The following MYO7A variants were observed in gnomAD, a reference collection of about 807,000 sequenced individuals.
MYO7A encodes the protein unconventional myosin-VIIa.
Under a neutral mutation model 263.8 loss-of-function variants are expected in MYO7A, and 210 were observed. The observed-to-expected ratio is 0.80, with a 90% CI of 0.71 to 0.89. The LOEUF (loss-of-function observed/expected upper bound fraction) is 0.89, where lower values mean the gene tolerates loss of function less well. Among genes scored for constraint, MYO7A ranks in the 40% least tolerant of loss-of-function variants. The pLI is 0.00. For synonymous variants in MYO7A, 1,239 were observed against 1,197.3 expected (o/e 1.03, Z -0.72); for missense variants, 2,820 against 2,968.3 (o/e 0.95, Z 1.16).
At chr11:77,160,923 C>A (rs781911949) in intron 11 of MYO7A, 50 bp from the exon 12 acceptor site, 2 of 1,570,436 alleles carry the variant, frequency 1.3e-6, no homozygotes, top group South Asian at 2.3e-5. Context: ...CCTGGCCTGT[C>A]CCCCGGGGGA....
chr11:77,131,413 C>T (rs1395558619), intron 2 of MYO7A, among the ~76,000 whole-genome samples: 2 of 152,158 alleles, frequency 1.3e-5, no homozygotes, highest in South Asian at 2.1e-4. Flanking sequence ...TGAGTGCGTG[C>T]GCGTGTGTGT....
Position 77,203,160 on chromosome 11 carries a change from C to T in MYO7A, c.5269C>T (p.Leu1757Phe). The change falls in exon 38 of 49, where the codon CTC (leucine) becomes TTC (phenylalanine). Residue 1757 changes from leucine to phenylalanine, a missense_variant. Coordinates refer to ENST00000409709, the MANE Select transcript of MYO7A (RefSeq NM_000260.4). ...GCGGGAACCGCTCAAGCAGGCGCTG[C>T]TCAAGAAGCTCCTGGGCAGTGAGGA... ...HTREPLKQAL[L>F]KKLLGSEELS... 1.3e-6 allele frequency: 2 copies of T among 1,551,494 alleles called. No individual in the cohort carries two copies. Among genetic ancestry groups the T allele is most frequent in the Non-Finnish European group, 1.7e-6 (2 of 1,148,300 alleles).
intron 4 of MYO7A, among the ~76,000 whole-genome samples, chr11:77,153,137 G>A (rs1356959393): frequency 1.3e-5 from 2 of 152,122 alleles, no homozygotes; most frequent in African/African-American, 4.8e-5. Context: ...TAGATTGTTG[G>A]GGGGTTGAGT....
intron 35 of MYO7A, 78 bp from the exon 36 acceptor site, chr11:77,201,370 A>C (rs912971689): frequency 1.8e-5 from 25 of 1,414,694 alleles, no homozygotes; most frequent in Non-Finnish European, 2.3e-5. Context: ...GAGTGATAAC[A>C]CCTCAGTTCT....
chr11:77,131,281 C>T (rs1555045977), intron 2 of MYO7A, among the ~76,000 whole-genome samples: 1 of 152,222 alleles, frequency 6.6e-6, no homozygotes, highest in African/African-American at 2.4e-5. Flanking sequence ...GGCCGTAGGG[C>T]TTGTGGGGCT....
rs1194183560 is a variant in MYO7A at position 77,214,589 on chromosome 11, T to A, written c.6559-18T>A. 2 of 1,538,924 alleles carry A rather than the reference T, an allele frequency of 1.3e-6. No individual in the cohort carries two copies. Among genetic ancestry groups the A allele is most frequent in the Non-Finnish European group, 8.8e-7 (1 of 1,131,920 alleles). ...TGTCCCACCGTGTGCTCGCTTATCTTCTCACCCCTGCTTCCAGGGCTACAA... is the reference window on the plus strand; with the variant it reads ...TGTCCCACCGTGTGCTCGCTTATCTACTCACCCCTGCTTCCAGGGCTACAA... On this transcript the variant is annotated intron_variant, in intron 48 of 48. Coordinates refer to ENST00000409709, the MANE Select transcript of MYO7A (RefSeq NM_000260.4).
intron 29 of MYO7A, 78 bp downstream of exon 29, chr11:77,190,217 A>T: frequency 7.5e-7 from 1 of 1,327,792 alleles, no homozygotes; most frequent in Non-Finnish European, 1.0e-6. Context: ...TGTCCAGTGC[A>T]CTCGAGTGCC....
At chr11:77,141,087 G>A (rs1555050372) in intron 2 of MYO7A, among the ~76,000 whole-genome samples, 2 of 152,230 alleles carry the variant, frequency 1.3e-5, no homozygotes, top group African/African-American at 4.8e-5. Context: ...GTACAGGTTT[G>A]TAGTGTAGGA....
At chr11:77,160,560 C>T (rs188060402) in intron 11 of MYO7A, among the ~76,000 whole-genome samples, 161 of 152,282 alleles carry the variant, frequency 1.1e-3, no homozygotes, top group African/African-American at 3.6e-3. Context: ...TTGCAGAAGA[C>T]ACAGAAGAGG....
At chr11:77,176,157 C>T (rs569746678) in intron 18 of MYO7A, among the ~76,000 whole-genome samples, 55 of 152,140 alleles carry the variant, frequency 3.6e-4, no homozygotes, top group Non-Finnish European at 6.5e-4. Flanking sequence ...GGGGGTGGGG[C>T]CTGGGCACTC....
At chr11:77,130,939 G>A (rs940834468) in intron 2 of MYO7A, among the ~76,000 whole-genome samples, 2 of 152,242 alleles carry the variant, frequency 1.3e-5, no homozygotes, top group African/African-American at 2.4e-5. Context: ...GCCCAGGTGT[G>A]GGAAGGTCCC....
Position 77,211,167 on chromosome 11 carries a change from C to A in MYO7A, c.6067C>A (p.Leu2023Ile). ...FHYYQELPKYLRGYHKCTREE... is the reference protein window; with the variant it reads ...FHYYQELPKYIRGYHKCTREE... ...TCTCTGACAGGAGTTGCCCAAGTAT[C>A]TCCGAGGCTACCACAAGTGCACGCG... is the stretch of plus-strand genomic sequence containing the variant. The change falls in exon 45 of 49, where the codon CTC becomes ATC. Residue 2023 changes from leucine to isoleucine, a missense_variant. Coordinates refer to ENST00000409709, the MANE Select transcript of MYO7A (RefSeq NM_000260.4). 6.3e-7 allele frequency: 1 copy of A among 1,583,624 alleles called. No homozygotes were observed. Among genetic ancestry groups the A allele is most frequent in the East Asian group, 2.3e-5 (1 of 43,364 alleles).
intron 24 of MYO7A, 61 bp downstream of exon 24, chr11:77,182,215 T>A (rs1955289691): frequency 6.3e-7 from 1 of 1,588,098 alleles, no homozygotes; most frequent in South Asian, 1.1e-5. Flanking sequence ...CTATGGACTC[T>A]GCTGCTGGTG....
chr11:77,161,916 C>T (rs1158483566), intron 12 of MYO7A, among the ~76,000 whole-genome samples: 4 of 152,206 alleles, frequency 2.6e-5, no homozygotes, highest in Non-Finnish European at 5.9e-5. Flanking sequence ...TGACCCTAGG[C>T]AAGTCCTTTG....
At chr11:77,162,749 G>C in intron 13 of MYO7A, 104 bp from the exon 14 acceptor site, 1 of 1,463,744 alleles carries the variant, frequency 6.8e-7, no homozygotes, top group Non-Finnish European at 9.2e-7. Flanking sequence ...AATAAAAGGA[G>C]GGGAAGCTCC....
rs1957531833 is a variant in MYO7A, at chr11:77,207,517, T to A, written c.5856+115T>A. The A allele has an allele frequency of 3.8e-6, 3 of 794,470 alleles. No homozygotes were observed. In the Admixed American group the frequency reaches 6.1e-5, roughly 16 times the overall value. 49.2% of individuals were successfully genotyped at this position (794,470 alleles called of 1,614,324 possible). A position where few individuals can be genotyped will look rare whatever the true frequency, so the allele number is the denominator to read the frequency against. On this transcript the variant is annotated intron_variant, in intron 42 of 48. Coordinates refer to ENST00000409709, the MANE Select transcript of MYO7A (RefSeq NM_000260.4). ...GAGAGAGGGGAAGAGGGCACTGGCA[T>A]CTGGCCATCTTCTTCCATCCCTGCA...
At chr11:77,178,885 C>T (rs374549347) in intron 19 of MYO7A, among the ~76,000 whole-genome samples, 160 bp from the exon 20 acceptor site, 16 of 152,270 alleles carry the variant, frequency 1.1e-4, no homozygotes, top group East Asian at 7.7e-4. Context: ...ACACATTGTA[C>T]GGATGAGGAA....
intron 14 of MYO7A, among the ~76,000 whole-genome samples, chr11:77,163,985 G>A (rs1164155021): frequency 6.6e-6 from 1 of 152,142 alleles, no homozygotes; most frequent in Non-Finnish European, 1.5e-5. Flanking sequence ...ACAAGGTGGG[G>A]GGGGCTTGAC....
At chr11:77,177,717 C>A in intron 19 of MYO7A, 74 bp downstream of exon 19, 1 of 1,274,920 alleles carries the variant, frequency 7.8e-7, no homozygotes, top group Non-Finnish European at 1.1e-6. Context: ...CTCTCCTCTG[C>A]TCTGCCCGCA....
Sources: gnomAD v4.1 joint callset for allele counts (sites outside exome capture counted in the v4.1 genomes callset) on GRCh38, gnomAD v4.1.1 for gene constraint, MANE v1.5 for transcripts, NCBI Gene and HGNC (gene_info 2026-07-23, HGNC 2026-07-21) for gene names.